Variants in COL19A1 observed in about 807,000 individuals in gnomAD.
The protein encoded by COL19A1 is collagen alpha-1(XIX) chain.
A neutral mutation model predicts 190.2 loss-of-function variants in COL19A1; 159 were observed. That is an observed-to-expected ratio of 0.84 (90% confidence interval 0.73 to 0.95). The LOEUF (loss-of-function observed/expected upper bound fraction) is 0.95. COL19A1 is among the 40% of genes least tolerant of loss of function. COL19A1 has a pLI of 0.00. For synonymous variants in COL19A1, 509 were observed against 458.9 expected, an observed-to-expected ratio of 1.11 and a Z score of -1.39; for missense variants, 1,418 against 1,431.9, an observed-to-expected ratio of 0.99 and a Z score of 0.16.
intron 19 of COL19A1, among the ~76,000 whole-genome samples, chr6:70,138,229 A>G (rs1785993337): frequency 1.3e-5 from 2 of 152,184 alleles, no homozygotes; most frequent in South Asian, 2.1e-4. Flanking sequence ...TTCTCAGTGT[A>G]CCTTCTGAAG....
chr6:69,963,663 G>A (rs182169581), intron 11 of COL19A1, among the ~76,000 whole-genome samples: 20 of 152,342 alleles, frequency 1.3e-4, no homozygotes, highest in Admixed American at 7.2e-4. Context: ...CCAAAGTCCA[G>A]AGCAGGTGTA....
Position 70,146,723 on chromosome 6 carries a change from A to C in COL19A1, c.1815+20A>C. 1 of 1,603,188 alleles carries C rather than the reference A, an allele frequency of 6.2e-7. No individual in the cohort carries two copies. The highest frequency in any genetic ancestry group is 8.5e-7 in the Non-Finnish European group (1 of 1,175,870). On this transcript the variant is annotated intron_variant, in intron 26 of 50. Coordinates refer to ENST00000620364, the MANE Select transcript of COL19A1 (RefSeq NM_001858.6). ...CCAAAGGTATACAAATATTATAGTT[A>C]ATTTTTAAGGAATGAATAATTAACA...
Position 69,944,386 on chromosome 6 carries a change from T to A in COL19A1, c.936+6286T>A, listed in dbSNP as rs137867744. On this transcript the variant is annotated intron_variant, in intron 9 of 50. Transcript: ENST00000620364. Reference sequence around the variant, plus strand: ...ATGCTGAATGCATGAATGAACACTATACCTCAAGGAAAGTTTAAATAATCA... The same window carrying A: ...ATGCTGAATGCATGAATGAACACTAAACCTCAAGGAAAGTTTAAATAATCA... Among the ~76,000 whole-genome samples the A allele has an allele frequency of 9.9e-4, 150 of 152,240 alleles. 1 individual carries two copies. Among genetic ancestry groups the A allele is most frequent in the Middle Eastern group, 6.8e-3 (2 of 294 alleles).
intron 16 of COL19A1, among the ~76,000 whole-genome samples, chr6:70,113,043 C>T (rs1229793370): frequency 6.6e-6 from 1 of 152,172 alleles, no homozygotes; most frequent in Non-Finnish European, 1.5e-5. Context: ...ATCGCACTGC[C>T]TCTGAACTTG....
chr6:69,918,263 A>T (rs1012169415), intron 4 of COL19A1, among the ~76,000 whole-genome samples: 7 of 152,194 alleles, frequency 4.6e-5, no homozygotes, highest in African/African-American at 1.2e-4. Context: ...TGTGCAGGCC[A>T]GACTGTAAGG....
rs1771851009 is a variant in COL19A1 at position 69,921,424 on chromosome 6, T to TATCATATCATATAC, written c.267-6478_267-6477insCATATACATCATAT. ...TATCATATATATCATATATCATATATATCATATATATCATATATATCATAT... is the reference window on the plus strand; with the variant it reads ...TATCATATATATCATATATCATATATATCATATCATATACATCATATATATCATATATATCATAT... On this transcript the variant is annotated intron_variant, in intron 4 of 50. Coordinates refer to ENST00000620364, the MANE Select transcript of COL19A1 (RefSeq NM_001858.6). 9.7e-4 allele frequency among the ~76,000 whole-genome samples: 110 copies of TATCATATCATATAC among 113,300 alleles called. 12 individuals are homozygous for TATCATATCATATAC. Among genetic ancestry groups the TATCATATCATATAC allele is most frequent in the African/African-American group, 4.4e-3 (106 of 23,892 alleles). The allele number at this position is 113,300 out of a possible 152,430, so 74.3% of individuals were successfully genotyped here.
intron 46 of COL19A1, among the ~76,000 whole-genome samples, chr6:70,187,621 A>G (rs1463279779): frequency 1.0e-5 from 1 of 96,588 alleles, no homozygotes; most frequent in African/African-American, 5.0e-5. Flanking sequence ...TGGGGAGAGC[A>G]CATGATTTAG....
intron 11 of COL19A1, among the ~76,000 whole-genome samples, chr6:69,963,318 A>G (rs1328486468): frequency 1.3e-5 from 2 of 152,218 alleles, no homozygotes; most frequent in Non-Finnish European, 2.9e-5. Context: ...TAAAACTCGA[A>G]TAATTTCAAA....
chr6:70,197,973 A>G (rs1767315697), intron 48 of COL19A1, among the ~76,000 whole-genome samples: 1 of 152,234 alleles, frequency 6.6e-6, no homozygotes, highest in East Asian at 1.9e-4. Context: ...ATGGGCCTAC[A>G]TTGTTTTTAA....
chr6:70,028,427 A>G (rs1778843673), intron 12 of COL19A1, among the ~76,000 whole-genome samples: 1 of 152,148 alleles, frequency 6.6e-6, no homozygotes, highest in African/African-American at 2.4e-5. Context: ...AATCTCTCAG[A>G]GCTGCCCTCA....
intron 14 of COL19A1, among the ~76,000 whole-genome samples, chr6:70,060,899 G>C (rs750348461): frequency 6.6e-6 from 1 of 152,100 alleles, no homozygotes; most frequent in Non-Finnish European, 1.5e-5. Flanking sequence ...GTTGGGGACC[G>C]ATGCTCTAGA....
chr6:69,911,585 C>T (rs1332417155), intron 4 of COL19A1, among the ~76,000 whole-genome samples: 1 of 152,196 alleles, frequency 6.6e-6, no homozygotes. Flanking sequence ...GAATTTGAGA[C>T]TGAGTTGACC....
At chr6:69,875,033 C>G (rs902298155) in intron 1 of COL19A1, among the ~76,000 whole-genome samples, 1 of 152,186 alleles carries the variant, frequency 6.6e-6, no homozygotes, top group Admixed American at 6.5e-5. Context: ...AGTCCCTGCT[C>G]TCATGGAACT....
chr6:70,209,163 A>G lies in COL19A1; in HGVS notation c.*1889A>G, dbSNP rs985601108. 6.6e-6 allele frequency: 1 copy of G among 152,550 alleles called. No individual in the cohort carries two copies. The highest frequency in any genetic ancestry group is 2.4e-5 in the African/African-American group (1 of 41,416). The allele number at this position is 152,550 out of a possible 1,614,324, so 9.4% of individuals were successfully genotyped here. A position where few individuals can be genotyped will look rare whatever the true frequency, so the allele number is the denominator to read the frequency against. On this transcript the variant is annotated 3_prime_UTR_variant, in exon 51 of 51. Coordinates refer to ENST00000620364, the MANE Select transcript of COL19A1 (RefSeq NM_001858.6). ...ATTTATCCCGAAAAAGTGTACATAG[A>G]TCTAAAATTTGGTGCTATGTGTATA...
intron 48 of COL19A1, among the ~76,000 whole-genome samples, chr6:70,199,266 A>G (rs911786059): frequency 2.0e-5 from 3 of 152,232 alleles, no homozygotes; most frequent in African/African-American, 7.2e-5. Flanking sequence ...TAAAGTTATT[A>G]TGAAATCATT....
chr6:70,157,064 A>G (rs1787485190), intron 34 of COL19A1, among the ~76,000 whole-genome samples: 1 of 152,136 alleles, frequency 6.6e-6, no homozygotes, highest in African/African-American at 2.4e-5. Context: ...AAGGTAGCTA[A>G]GAGATTTAAA....
chr6:69,911,733 C>A (rs1055937899), intron 4 of COL19A1, among the ~76,000 whole-genome samples: 1 of 152,200 alleles, frequency 6.6e-6, no homozygotes. Context: ...CACTTGTGCT[C>A]TTAATCCTCT....
chr6:69,955,573 GAGAA>G (rs1274522126), intron 9 of COL19A1, among the ~76,000 whole-genome samples: 1 of 151,056 alleles, frequency 6.6e-6, no homozygotes, highest in African/African-American at 2.4e-5. Context: ...GTGTAAGAGA[GAGAA>G]AGAGAGAGAG....
intron 36 of COL19A1, among the ~76,000 whole-genome samples, chr6:70,165,042 A>AGAAATTTTACTCTATCT (rs1348956572): frequency 2.0e-5 from 3 of 152,216 alleles, no homozygotes; most frequent in African/African-American, 7.2e-5. Flanking sequence ...CATTGTGAGT[A>AGAAATTTTACTCTATCT]GAAATTTTAC....
Sources: gnomAD v4.1 joint callset for allele counts (sites outside exome capture counted in the v4.1 genomes callset) on GRCh38, gnomAD v4.1.1 for gene constraint, MANE v1.5 for transcripts, NCBI Gene and HGNC (gene_info 2026-07-23, HGNC 2026-07-21) for gene names.